CCDC88C: variants seen among roughly 807,000 people sequenced by gnomAD.
The protein encoded by CCDC88C is coiled-coil and HOOK domain protein 88C.
A neutral mutation model predicts 198.8 loss-of-function variants in CCDC88C; 131 were observed. The ratio of observed to expected loss-of-function variants is 0.66; its 90% confidence interval spans 0.57 to 0.76. The LOEUF is 0.76. CCDC88C is among the 30% of genes least tolerant of loss of function. The pLI, the probability that CCDC88C is intolerant of heterozygous loss-of-function variation, is 0.00. For synonymous variants in CCDC88C, 1,166 were observed against 1,114.7 expected, an observed-to-expected ratio of 1.05 and a Z score of -0.92; for missense variants, 2,553 against 2,631.6, an observed-to-expected ratio of 0.97 and a Z score of 0.65.
In CCDC88C at chr14:91,299,988, C is replaced by A; in HGVS notation, c.3718G>T (p.Glu1240Ter). 1.3e-6 allele frequency: 2 copies of A among 1,596,480 alleles called. No individual in the cohort carries two copies. Among genetic ancestry groups the A allele is most frequent in the Non-Finnish European group, 1.7e-6 (2 of 1,172,178 alleles). Residue 1240 changes from glutamate to a stop codon, truncating the protein, a stop_gained, in exon 21 of 30, where the codon GAG becomes TAG. Coordinates refer to ENST00000389857, the MANE Select transcript of CCDC88C (RefSeq NM_001080414.4). LOFTEE classifies it high-confidence loss of function. ...ATGGCGAGGGCGTTTGTCCTCTGCT[C>A]CTGCTGCAGCGCCTCTCGCTCAGTG... The part of the protein sequence containing the change: ...LTTEREALQQ[E>*]QRTNALAMGE...
At position 91,309,901 on chromosome 14, in the gene CCDC88C, T is replaced by C. The variant is rs2139796262; in HGVS notation, c.2822A>G (p.Asn941Ser). 1 of 1,611,976 alleles carries C rather than the reference T, an allele frequency of 6.2e-7. No homozygotes were observed. The highest frequency in any genetic ancestry group is 1.7e-5 in the Admixed American group (1 of 59,810). ...GTCCTCCTGCAACAGCAGCTCCCTG[T>C]TGAGGCCGACCTTCTCCAGTTCCTG... ...LSQELEKVGL[N>S]RELLLQEDDS... Residue 941 changes from asparagine (N) to serine (S), a missense_variant, in exon 16 of 30, where the codon AAC becomes AGC. Physicochemically the swap from Asn to Ser is conservative, Grantham distance 46. Coordinates refer to ENST00000389857, the MANE Select transcript of CCDC88C (RefSeq NM_001080414.4).
At chr14:91,363,965 T>C (rs1406882867) in intron 3 of CCDC88C, among the ~76,000 whole-genome samples, 1 of 152,240 alleles carries the variant, frequency 6.6e-6, no homozygotes, top group Non-Finnish European at 1.5e-5. Context: ...GGGCACCTGG[T>C]CACACCCCAG....
chr14:91,337,806 C>T (rs1364220604), intron 10 of CCDC88C, among the ~76,000 whole-genome samples, 199 bp downstream of exon 10: 1 of 152,228 alleles, frequency 6.6e-6, no homozygotes, highest in Non-Finnish European at 1.5e-5. Context: ...ACACTCCTTA[C>T]CCTCCCCTGC....
rs116819117 is a variant in CCDC88C, at chr14:91,367,067, G to A, written c.271-7356C>T. Among the ~76,000 whole-genome samples, 1,302 of 152,316 alleles carry A rather than the reference G, an allele frequency of 8.5e-3. 14 individuals are homozygous for A. Among genetic ancestry groups the A allele is most frequent in the African/African-American group, 0.029 (1,208 of 41,548 alleles). On this transcript the variant is annotated intron_variant, in intron 3 of 29. Transcript: ENST00000389857. ...GTTGGACCAAGAACAATGATTTCAC[G>A]AAGAAATGGGAAGAATTATTTTTCT...
rs1372925050 is a variant in CCDC88C, at chr14:91,288,642, G to C, written c.4441+463C>G. 1 of 155,184 alleles carries C rather than the reference G, an allele frequency of 6.4e-6. No individual in the cohort carries two copies. Among genetic ancestry groups the C allele is most frequent in the East Asian group, 1.9e-4 (1 of 5,374 alleles). The allele number at this position is 155,184 out of a possible 1,614,324, so 9.6% of individuals were successfully genotyped here. A position where few individuals can be genotyped will look rare whatever the true frequency, so the allele number is the denominator to read the frequency against. ...AAAGTGGTTGGGCGTGGCAGCTCAC[G>C]CCTGTAATCCAACAGTTTGGGAGGC... On this transcript the variant is annotated intron_variant, in intron 25 of 29. Transcript: ENST00000389857. The surrounding 1 kb of genome is among the most constrained non-coding windows in gnomAD (Gnocchi z 4.2).
At chr14:91,408,284 T>C (rs1406628241) in intron 3 of CCDC88C, 1 of 228,318 alleles carries the variant, frequency 4.4e-6, no homozygotes, top group African/African-American at 2.3e-5. Flanking sequence ...ATGGCTCCTG[T>C]ATAAAGAGCC....
intron 12 of CCDC88C, among the ~76,000 whole-genome samples, chr14:91,321,992 TG>T (rs1892375245): frequency 6.6e-6 from 1 of 152,058 alleles, no homozygotes; most frequent in Non-Finnish European, 1.5e-5. Flanking sequence ...GAGTCAGGAA[TG>T]GGAGTTCCTG....
intron 25 of CCDC88C, among the ~76,000 whole-genome samples, chr14:91,286,023 A>G (rs562757699): frequency 6.6e-6 from 1 of 152,334 alleles, no homozygotes; most frequent in South Asian, 2.1e-4. Context: ...CTCAGTAATC[A>G]TCTGTGCTCT....
In CCDC88C at chr14:91,295,416, C is replaced by T. The variant is rs561749630; in HGVS notation, c.3967-1098G>A. ...CTGCACGAGGCTTGGGAGTCAGGCA[C>T]GTCACAAACGTGGCAAGTCAGCGGT... is the stretch of plus-strand genomic sequence containing the variant. On this transcript the variant is annotated intron_variant, in intron 22 of 29. Coordinates refer to ENST00000389857, the MANE Select transcript of CCDC88C (RefSeq NM_001080414.4). Among the ~76,000 whole-genome samples, 4 of 152,344 alleles carry T rather than the reference C, an allele frequency of 2.6e-5. No homozygotes were observed. The South Asian group carries it at 8.3e-4, about 32-fold the overall frequency.
intron 19 of CCDC88C, 125 bp downstream of exon 19, chr14:91,305,640 C>T: frequency 3.3e-6 from 3 of 911,604 alleles, no homozygotes; most frequent in Non-Finnish European, 4.8e-6. Flanking sequence ...TTAACAAAAT[C>T]CCAAACTGCT....
At chr14:91,391,491 G>A (rs562342356) in intron 3 of CCDC88C, among the ~76,000 whole-genome samples, 1 of 152,106 alleles carries the variant, frequency 6.6e-6, no homozygotes, top group Non-Finnish European at 1.5e-5. Context: ...TTAAAAGTCA[G>A]AAGTAGGCCG....
In CCDC88C at chr14:91,293,567, G is replaced by GCTCACCTTCCTGTCCCCTCGCCTGCCACA. The variant is rs1567055921; in HGVS notation, c.4112+605_4112+606insTGTGGCAGGCGAGGGGACAGGAAGGTGAG. On this transcript the variant is annotated intron_variant, in intron 23 of 29. Coordinates refer to ENST00000389857, the MANE Select transcript of CCDC88C (RefSeq NM_001080414.4). ...ACCTTCCTGTCCCCTCGCCTGCCAC[G>GCTCACCTTCCTGTCCCCTCGCCTGCCACA]GCCCACCTTCCTGTCCCCTCGCCTG... 3.1e-4 allele frequency among the ~76,000 whole-genome samples: 5 copies of GCTCACCTTCCTGTCCCCTCGCCTGCCACA among 16,124 alleles called. 2 individuals are homozygous for GCTCACCTTCCTGTCCCCTCGCCTGCCACA. The East Asian group carries it at 7.4e-3, about 24-fold the overall frequency. The allele number at this position is 16,124 out of a possible 152,430, so 10.6% of individuals were successfully genotyped here. A position where few individuals can be genotyped will look rare whatever the true frequency, so the allele number is the denominator to read the frequency against.
chr14:91,391,157 T>C (rs1166731597), intron 3 of CCDC88C, among the ~76,000 whole-genome samples: 2 of 152,128 alleles, frequency 1.3e-5, no homozygotes, highest in Non-Finnish European at 2.9e-5. Flanking sequence ...CACCTGTGTG[T>C]TGAGCCTCAT....
At chr14:91,282,725 C>T (rs1035155981) in intron 26 of CCDC88C, among the ~76,000 whole-genome samples, 24 of 152,284 alleles carry the variant, frequency 1.6e-4, no homozygotes, top group African/African-American at 9.6e-5. Context: ...CAATACAGGA[C>T]ACCTGCCTCA....
chr14:91,391,541 G>T (rs1163840989), intron 3 of CCDC88C, among the ~76,000 whole-genome samples: 2 of 152,190 alleles, frequency 1.3e-5, no homozygotes, highest in Admixed American at 6.5e-5. Flanking sequence ...CACTTTGGGA[G>T]GCCGAGGCGG....
intron 13 of CCDC88C, among the ~76,000 whole-genome samples, chr14:91,319,210 T>C (rs932124240): frequency 3.3e-5 from 5 of 152,216 alleles, no homozygotes; most frequent in Non-Finnish European, 7.3e-5. Context: ...TCCTCTGACC[T>C]GGAATGAGCA....
Position 91,303,825 on chromosome 14 carries a change from G to T in CCDC88C, c.3511C>A (p.His1171Asn). 1 of 1,613,332 alleles carries T rather than the reference G, an allele frequency of 6.2e-7. No individual in the cohort carries two copies. The change falls in exon 20 of 30, where the codon CAC (histidine) becomes AAC (asparagine). Residue 1171 changes from histidine (H) to asparagine (N), a missense_variant. This residue lies in a region of CCDC88C where 1,293 missense variants were observed against 1,219.6 expected (regional missense o/e 1.06). Transcript: ENST00000389857. Reference sequence around the variant, plus strand: ...TCGTGCAGCGTGCCCAGGTGCTCGTGGTCCTGCAGCAGGGCCTCGTAGGCC... The same window carrying T: ...TCGTGCAGCGTGCCCAGGTGCTCGTTGTCCTGCAGCAGGGCCTCGTAGGCC... ...TAAYEALLQDHEHLGTLHERQ... is the reference protein window; with the variant it reads ...TAAYEALLQDNEHLGTLHERQ...
intron 20 of CCDC88C, among the ~76,000 whole-genome samples, chr14:91,302,530 T>C (rs546976419): frequency 3.9e-4 from 59 of 152,246 alleles, no homozygotes; most frequent in African/African-American, 1.3e-3. Flanking sequence ...CCAGCCCAGA[T>C]TGGCTGACTT....
At position 91,356,698 on chromosome 14, in the gene CCDC88C, TA is replaced by T. The variant is rs890995995; in HGVS notation, c.340+2943del. Reference sequence around the variant, plus strand: ...GCAAATGATACCTCAATAAAGCTGTTAAAAAAAAAAATCAGCATCCACATCT... The same window carrying T: ...GCAAATGATACCTCAATAAAGCTGTTAAAAAAAAAATCAGCATCCACATCT... On this transcript the variant is annotated intron_variant, in intron 4 of 29. Coordinates refer to ENST00000389857, the MANE Select transcript of CCDC88C (RefSeq NM_001080414.4). 6.8e-3 allele frequency among the ~76,000 whole-genome samples: 1,015 copies of T among 149,152 alleles called. 13 individuals carry two copies. Among genetic ancestry groups the T allele is most frequent in the African/African-American group, 0.018 (731 of 40,818 alleles).
Sources: allele counts gnomAD v4.1 joint callset (sites outside exome capture counted in the v4.1 genomes callset), GRCh38; gene constraint gnomAD v4.1.1; regional missense constraint gnomAD v4.1.1; non-coding constraint Gnocchi (gnomAD v3.1); transcripts MANE v1.5; gene names NCBI Gene and HGNC (gene_info 2026-07-23, HGNC 2026-07-21).